Variants in UNC13C observed in about 807,000 individuals in gnomAD.
UNC13C encodes the protein unc-13 homolog C, also known as protein unc-13 homolog C.
In UNC13C, 174 loss-of-function variants were observed where a neutral mutation model predicts 245.4. That is an observed-to-expected ratio of 0.71 (90% CI 0.63 to 0.80). UNC13C has a LOEUF of 0.80. Among genes scored for constraint, UNC13C ranks in the 30% least tolerant of loss-of-function variants. The pLI, the probability that UNC13C is intolerant of heterozygous loss-of-function variation, is 0.00. For missense variants in UNC13C, 2,829 were observed against 2,602.9 expected (o/e 1.09, Z -1.89); for synonymous variants, 992 against 895.1 (o/e 1.11, Z -1.93).
At chr15:54,165,872 C>G (rs1173293942) in intron 4 of UNC13C, among the ~76,000 whole-genome samples, 1 of 151,222 alleles carries the variant, frequency 6.6e-6, no homozygotes, top group Non-Finnish European at 1.5e-5. Context: ...TTCTCCCTTT[C>G]TTGCCAATCT....
At chr15:53,840,332 G>A in the UNC13C span, among the ~76,000 whole-genome samples, 1 of 152,048 alleles carries the variant, frequency 6.6e-6, no homozygotes, top group Non-Finnish European at 1.5e-5. Context: ...TAGGACTTTA[G>A]CTCTGTTAAA....
intron 7 of UNC13C, among the ~76,000 whole-genome samples, chr15:54,243,413 CTTTACTAT>C (rs1261347292): frequency 6.6e-6 from 1 of 152,106 alleles, no homozygotes; most frequent in Non-Finnish European, 1.5e-5. Context: ...GATTCCATGT[CTTTACTAT>C]TGTGAACAGT....
chr15:54,127,369 G>C (rs1231220500), intron 2 of UNC13C, among the ~76,000 whole-genome samples: 1 of 152,236 alleles, frequency 6.6e-6, no homozygotes, highest in East Asian at 1.9e-4. Context: ...GGAATACTAT[G>C]TAGCCATAAA....
chr15:54,318,393 C>T (rs971431938), intron 13 of UNC13C, among the ~76,000 whole-genome samples: 9 of 151,824 alleles, frequency 5.9e-5, no homozygotes, highest in Non-Finnish European at 1.2e-4. Flanking sequence ...CACTTCTTAC[C>T]TCTTATCTTT....
At chr15:53,946,673 G>GTTTTT in the UNC13C span, among the ~76,000 whole-genome samples, 4 of 99,280 alleles carry the variant, frequency 4.0e-5, no homozygotes, top group African/African-American at 8.0e-5. Flanking sequence ...GTGAGCTGAG[G>GTTTTT]TTTTTTTTTT....
chr15:54,276,705 T>G (rs2036842953), intron 10 of UNC13C, among the ~76,000 whole-genome samples: 1 of 152,234 alleles, frequency 6.6e-6, no homozygotes, highest in South Asian at 2.1e-4. Flanking sequence ...ATATAAAAAG[T>G]CATTACTCAA....
chr15:54,155,364 C>G (rs1053058964), intron 4 of UNC13C, among the ~76,000 whole-genome samples: 2 of 152,144 alleles, frequency 1.3e-5, no homozygotes, highest in Admixed American at 1.3e-4. Flanking sequence ...GGAACTGACA[C>G]CTATCACTTT....
intron 28 of UNC13C, among the ~76,000 whole-genome samples, chr15:54,553,423 T>TATATATA (rs1387387627): frequency 7.7e-6 from 1 of 130,466 alleles, no homozygotes; most frequent in Non-Finnish European, 1.6e-5. Flanking sequence ...TATATAATAT[T>TATATATA]ATATATAATA....
intron 26 of UNC13C, among the ~76,000 whole-genome samples, chr15:54,536,414 G>T (rs1411278909): frequency 6.6e-6 from 1 of 151,956 alleles, no homozygotes; most frequent in Non-Finnish European, 1.5e-5. Flanking sequence ...GTAAAAAAGA[G>T]CTAGTACCAA....
intron 30 of UNC13C, among the ~76,000 whole-genome samples, chr15:54,590,020 T>C (rs1270378825): frequency 6.6e-6 from 1 of 152,226 alleles, no homozygotes; most frequent in Non-Finnish European, 1.5e-5. Context: ...TAGCCAATTA[T>C]CCCAGCACCA....
At chr15:53,880,495 A>G in the UNC13C span, among the ~76,000 whole-genome samples, 1 of 152,178 alleles carries the variant, frequency 6.6e-6, no homozygotes, top group African/African-American at 2.4e-5. Context: ...TTTAGAATAC[A>G]ACGGCGGGTC....
chr15:53,855,034 G>T, the UNC13C span, among the ~76,000 whole-genome samples: 1 of 152,150 alleles, frequency 6.6e-6, no homozygotes, highest in East Asian at 1.9e-4. Flanking sequence ...TGTATTCCTA[G>T]GTGTTTTTTT....
At position 54,053,820 on chromosome 15, in the gene UNC13C, C is replaced by T. The variant is rs145761600; in HGVS notation, c.2983+37934C>T. On this transcript the variant is annotated intron_variant, in intron 2 of 32. Transcript: ENST00000260323. ...ACCCTTCCTAGCTTCTGGTAACCAC[C>T]GTCTACTCTCTATCTCCATGCGTTC... Among the ~76,000 whole-genome samples, 1,401 of 152,142 alleles carry T rather than the reference C, an allele frequency of 9.2e-3. 8 individuals are homozygous for T. Among genetic ancestry groups the T allele is most frequent in the Middle Eastern group, 0.017 (5 of 294 alleles).
intron 10 of UNC13C, among the ~76,000 whole-genome samples, chr15:54,284,889 AC>A (rs1334785768): frequency 6.6e-6 from 1 of 152,166 alleles, no homozygotes; most frequent in Non-Finnish European, 1.5e-5. Context: ...AGCTGTTAAA[AC>A]AAGTTTATTC....
chr15:54,604,015 C>T (rs1899611519), intron 30 of UNC13C, among the ~76,000 whole-genome samples: 1 of 152,076 alleles, frequency 6.6e-6, no homozygotes, highest in Non-Finnish European at 1.5e-5. Flanking sequence ...CTGTGATATC[C>T]TCTGGTTTCA....
chr15:54,003,452 T>C (rs11637439), intron 1 of UNC13C, among the ~76,000 whole-genome samples: 72,895 of 151,936 alleles, frequency 0.48, 18,824 homozygotes, highest in Non-Finnish European at 0.58. Flanking sequence ...TTATTCAAGG[T>C]TCCTCAGTAG....
intron 12 of UNC13C, 43 bp from the exon 13 acceptor site, chr15:54,300,167 A>G (rs753387603): frequency 1.3e-6 from 2 of 1,564,374 alleles, no homozygotes; most frequent in African/African-American, 1.4e-5. Flanking sequence ...TTTCTGGCCT[A>G]TTCTGAGGAA....
chr15:54,500,972 T>G lies in UNC13C; in HGVS notation c.5295T>G (p.Phe1765Leu), dbSNP rs766115493. ...PEALSHLMRR[F>L]AKTINKVLLQ... ...CATTATCTCACTTAATGAGAAGATT[T>G]GCAAAGGTAGGTTAAATAAAATGAG... The change falls in exon 22 of 33, where the codon TTT becomes TTG. Residue 1765 changes from phenylalanine (F) to leucine (L), a missense_variant. By Grantham distance (22) the Phe-to-Leu change is conservative. Transcript: ENST00000260323. The G allele has an allele frequency of 6.2e-7, 1 of 1,612,202 alleles. No homozygotes were observed. Among genetic ancestry groups the G allele is most frequent in the Non-Finnish European group, 8.5e-7 (1 of 1,178,856 alleles).
Position 54,112,606 on chromosome 15 carries a change from C to T in UNC13C, c.2984-30412C>T, listed in dbSNP as rs143788973. 2.2e-4 allele frequency among the ~76,000 whole-genome samples: 34 copies of T among 152,290 alleles called. No homozygotes were observed. The East Asian group carries it at 5.8e-3, about 26-fold the overall frequency. On this transcript the variant is annotated intron_variant, in intron 2 of 32. Coordinates refer to ENST00000260323, the MANE Select transcript of UNC13C (RefSeq NM_001080534.3). ...AGGTAGTCTTTTACTATTGTCACAT[C>T]TGCCGACATTCACTCGTGCAAGCTT...
Sources: allele counts gnomAD v4.1 joint callset (sites outside exome capture counted in the v4.1 genomes callset), GRCh38; gene constraint gnomAD v4.1.1; transcripts MANE v1.5; gene names NCBI Gene and HGNC (gene_info 2026-07-23, HGNC 2026-07-21).